The following ENG variants were observed in gnomAD, a reference collection of about 807,000 sequenced individuals.
ENG encodes endoglin.
A neutral mutation model predicts 71.0 loss-of-function variants in ENG; 17 were observed. The ratio of observed to expected loss-of-function variants is 0.24; its 90% CI spans 0.16 to 0.36. The LOEUF (loss-of-function observed/expected upper bound fraction) is 0.36. ENG is among the 10% of genes least tolerant of loss of function. ENG has a pLI of 1.00. For missense variants in ENG, 749 were observed against 868.3 expected (o/e 0.86, Z 1.73); for synonymous variants, 360 against 366.9 (o/e 0.98, Z 0.21).
chr9:127,849,212 G>A (rs1831238470), intron 1 of ENG, among the ~76,000 whole-genome samples: 1 of 152,218 alleles, frequency 6.6e-6, no homozygotes, highest in Non-Finnish European at 1.5e-5. Context: ...GAACGACGTA[G>A]CAGTAGGGGC....
intron 8 of ENG, among the ~76,000 whole-genome samples, chr9:127,820,369 A>G (rs1016840686): frequency 1.3e-5 from 2 of 151,000 alleles, no homozygotes; most frequent in African/African-American, 2.4e-5. Flanking sequence ...ACTTTTTTGT[A>G]TTTTTAGTAG....
intron 2 of ENG, 26 bp from the exon 3 acceptor site, chr9:127,829,853 C>A: frequency 1.2e-6 from 2 of 1,613,500 alleles, no homozygotes; most frequent in Non-Finnish European, 1.7e-6. Context: ...GAGAGACACA[C>A]ACAGTCCAGT....
At position 127,825,316 on chromosome 9, in the gene ENG, G is replaced by A. The variant is rs1310040011; in HGVS notation, c.731C>T (p.Pro244Leu). The change falls in exon 6 of 15, where the codon CCC (proline) becomes CTC (leucine). Residue 244 changes from proline to leucine, a missense_variant. Physicochemically the swap from Pro to Leu is moderately conservative, Grantham distance 98 (BLOSUM62 -3). Coordinates refer to ENST00000373203, the MANE Select transcript of ENG (RefSeq NM_001114753.3). ...GATGAGGACGGCATCGAGATCCCCGGGTGCGCAGCTCAGTTCCACCTTCAC... is the reference window on the plus strand; with the variant it reads ...GATGAGGACGGCATCGAGATCCCCGAGTGCGCAGCTCAGTTCCACCTTCAC... ...VTVKVELSCA[P>L]GDLDAVLILQ... The A allele has an allele frequency of 6.2e-7, 1 of 1,611,226 alleles. No homozygotes were observed. Among genetic ancestry groups the A allele is most frequent in the Admixed American group, 1.7e-5 (1 of 59,602 alleles).
intron 2 of ENG, among the ~76,000 whole-genome samples, chr9:127,831,576 C>T (rs559711288): frequency 1.4e-4 from 21 of 151,106 alleles, no homozygotes; most frequent in Non-Finnish European, 2.5e-4. Context: ...TTAGTAGAGA[C>T]GGGGTTTCAC....
intron 1 of ENG, among the ~76,000 whole-genome samples, chr9:127,848,122 G>A (rs556649671): frequency 2.6e-5 from 4 of 152,128 alleles, no homozygotes; most frequent in Non-Finnish European, 5.9e-5. Context: ...ACAGCGCTAG[G>A]CCGGCTCCTG....
intron 13 of ENG, 33 bp from the exon 14 acceptor site, chr9:127,816,086 TCTGCCC>T: frequency 6.3e-7 from 1 of 1,599,140 alleles, no homozygotes; most frequent in African/African-American, 1.3e-5. Context: ...GCACTGCCAC[TCTGCCC>T]CTGCCCCATC....
At chr9:127,842,993 C>G in intron 2 of ENG, 101 bp downstream of exon 2, 1 of 1,578,118 alleles carries the variant, frequency 6.3e-7, no homozygotes, top group Non-Finnish European at 8.7e-7. Flanking sequence ...AACGAGGACT[C>G]AGCCACTGCC....
rs531511068 is a variant in ENG at position 127,846,502 on chromosome 9, C to T, written c.68-3257G>A. Reference sequence around the variant, plus strand: ...GACTTCCAGGAACCCCAGTTCCTCCCGGATTGCTGGGGCCGCCTGGGGCCG... The same window carrying T: ...GACTTCCAGGAACCCCAGTTCCTCCTGGATTGCTGGGGCCGCCTGGGGCCG... On this transcript the variant is annotated intron_variant, in intron 1 of 14. Coordinates refer to ENST00000373203, the MANE Select transcript of ENG (RefSeq NM_001114753.3). This position sits in a 1 kb window ranked among gnomAD's most constrained non-coding sequence, Gnocchi z 5.5. Among the ~76,000 whole-genome samples the T allele has an allele frequency of 9.8e-5, 15 of 152,310 alleles. No homozygotes were observed. The East Asian group carries it at 1.4e-3, about 14-fold the overall frequency.
At chr9:127,839,956 TCA>T (rs1382159341) in intron 2 of ENG, among the ~76,000 whole-genome samples, 3 of 152,168 alleles carry the variant, frequency 2.0e-5, no homozygotes, top group African/African-American at 7.2e-5. Context: ...ATGGGGATGT[TCA>T]CAGAGGAGAA....
Position 127,838,778 on chromosome 9 carries a change from G to C in ENG, c.219+4316C>G, listed in dbSNP as rs1349713023. On this transcript the variant is annotated intron_variant, in intron 2 of 14. Transcript: ENST00000373203. This position sits in a 1 kb window ranked among gnomAD's most constrained non-coding sequence, Gnocchi z 4.3. ...GCCCCCTCCCGGAATCCAGGCTCCGGCCTGCCCTTCAGGGACCCAGCGAGA... is the reference window on the plus strand; with the variant it reads ...GCCCCCTCCCGGAATCCAGGCTCCGCCCTGCCCTTCAGGGACCCAGCGAGA... 6.6e-6 allele frequency among the ~76,000 whole-genome samples: 1 copy of C among 152,178 alleles called. No homozygotes were observed. Among genetic ancestry groups the C allele is most frequent in the Non-Finnish European group, 1.5e-5 (1 of 68,020 alleles).
chr9:127,843,802 G>A (rs1266979490), intron 1 of ENG, among the ~76,000 whole-genome samples: 4 of 74,626 alleles, frequency 5.4e-5, no homozygotes, highest in African/African-American at 2.6e-4. Context: ...ATGGAGTTTT[G>A]CTCTTCTTGC....
Position 127,815,066 on chromosome 9 carries a change from G to A in ENG, c.*616C>T, listed in dbSNP as rs1588571221. The A allele has an allele frequency of 6.5e-6, 1 of 153,646 alleles. No homozygotes were observed. The highest frequency in any genetic ancestry group is 2.1e-4 in the South Asian group (1 of 4,876). The allele number at this position is 153,646 out of a possible 1,614,324, so 9.5% of individuals were successfully genotyped here. On this transcript the variant is annotated 3_prime_UTR_variant, in exon 15 of 15. Coordinates refer to ENST00000373203, the MANE Select transcript of ENG (RefSeq NM_001114753.3). The stretch of plus-strand genomic sequence containing the variant: ...GGTGAATACACAGGGGCAGGCCCAG[G>A]ACAAGCAGCTTGGCTACTCCCCCTC...
In ENG at chr9:127,825,441, GCACTCTTACCTGGC is replaced by G; in HGVS notation, c.690-98_690-85del. The G allele has an allele frequency of 2.5e-6, 4 of 1,586,952 alleles. No homozygotes were observed. The South Asian group carries it at 4.4e-5, about 18-fold the overall frequency. ...GCCTGGCGTCGGGTGGGCGGCGGCT[GCACTCTTACCTGGC>G]CAGGTGTGGGTTTATGGGATAGGGA... is the stretch of plus-strand genomic sequence containing the variant. On this transcript the variant is annotated intron_variant, in intron 5 of 14. Coordinates refer to ENST00000373203, the MANE Select transcript of ENG (RefSeq NM_001114753.3).
intron 2 of ENG, among the ~76,000 whole-genome samples, chr9:127,840,802 A>C (rs1831012075): frequency 6.6e-6 from 1 of 152,186 alleles, no homozygotes; most frequent in African/African-American, 2.4e-5. Context: ...CTTGAATTAA[A>C]AGTTGGAAGC....
chr9:127,849,116 C>T (rs1003118093), intron 1 of ENG, among the ~76,000 whole-genome samples: 9 of 152,148 alleles, frequency 5.9e-5, no homozygotes, highest in Admixed American at 1.3e-4. Context: ...CTACTCACCC[C>T]GCCACTCTGG....
chr9:127,843,148 A>G lies in ENG; in HGVS notation c.165T>C (p.Ala55=). 1 of 1,614,230 alleles carries G rather than the reference A, an allele frequency of 6.2e-7. No individual in the cohort carries two copies. The highest frequency in any genetic ancestry group is 8.5e-7 in the Non-Finnish European group (1 of 1,180,038). Reference sequence around the variant, plus strand: ...CTTCAAGGATGGCATTGGGGGCCTGAGCCACGCAGCCCTTCGAGACCTGGC... The same window carrying G: ...CTTCAAGGATGGCATTGGGGGCCTGGGCCACGCAGCCCTTCGAGACCTGGC... ...TTSQVSKGCV[A]QAPNAILEVH... Residue 55 remains alanine (A), a synonymous_variant, in exon 2 of 15, where the codon GCT becomes GCC. Coordinates refer to ENST00000373203, the MANE Select transcript of ENG (RefSeq NM_001114753.3).
At chr9:127,822,579 G>C (rs183843762) in intron 8 of ENG, 12 of 152,260 alleles carry the variant, frequency 7.9e-5, no homozygotes. Context: ...GTGTAACAAG[G>C]GAAGAGGAGT....
At chr9:127,828,373 C>G (rs1830676282) in intron 3 of ENG, among the ~76,000 whole-genome samples, 1 of 152,210 alleles carries the variant, frequency 6.6e-6, no homozygotes, top group South Asian at 2.1e-4. Flanking sequence ...GGTCGCCTGG[C>G]ACTGGGTCGG....
intron 12 of ENG, chr9:127,817,675 G>A (rs1187637126): frequency 2.9e-6 from 1 of 349,976 alleles, no homozygotes; most frequent in African/African-American, 2.1e-5. Flanking sequence ...CCTGAGAGTG[G>A]GGGTCACCAG....
Sources: allele counts gnomAD v4.1 joint callset (sites outside exome capture counted in the v4.1 genomes callset), GRCh38; gene constraint gnomAD v4.1.1; non-coding constraint Gnocchi (gnomAD v3.1); transcripts MANE v1.5; gene names NCBI Gene and HGNC (gene_info 2026-07-23, HGNC 2026-07-21).